The following DTD2 variants were observed in gnomAD, a reference collection of about 807,000 sequenced individuals.
DTD2 encodes D-aminoacyl-tRNA deacylase 2.
In DTD2, 12 loss-of-function variants were observed where a neutral mutation model predicts 15.5. The ratio of observed to expected loss-of-function variants is 0.77; its 90% CI spans 0.50 to 1.25. The LOEUF (loss-of-function observed/expected upper bound fraction) is 1.25. Ranked by LOEUF, DTD2 falls within the 50% of genes most tolerant of loss-of-function variation. The probability of loss-of-function intolerance (pLI) is 0.00; values close to 1 mark genes in which losing one functional copy is unlikely to be tolerated. For missense variants in DTD2, 170 were observed against 201.1 expected (o/e 0.85, Z 0.93); for synonymous variants, 59 against 77.3 (o/e 0.76, Z 1.24).
At chr14:31,453,834 A>G (rs1043038618) in intron 1 of DTD2, among the ~76,000 whole-genome samples, 14 of 152,196 alleles carry the variant, frequency 9.2e-5, no homozygotes, top group South Asian at 8.3e-4. Flanking sequence ...TTCTATTTCT[A>G]TAAGCTCCAG....
rs1042596656 is a variant in DTD2 at position 31,448,507 on chromosome 14, A to G, written c.182-53T>C. The G allele has an allele frequency of 9.4e-6, 14 of 1,490,040 alleles. No homozygotes were observed. In the Admixed American group the frequency reaches 3.0e-4, roughly 32 times the overall value. 92.3% of individuals were successfully genotyped at this position (1,490,040 alleles called of 1,614,324 possible). On this transcript the variant is annotated intron_variant, in intron 2 of 2. Transcript: ENST00000310850. ...TTAAAGTGAAAAACAAACATGAAGA[A>G]AACCATCAAGTTTTTAGTCAGCAAA...
chr14:31,448,250 T>C lies in DTD2; in HGVS notation c.386A>G (p.Glu129Gly), dbSNP rs1311066784. ...YSQFVTLCEKEVAANSKCAEA... is the reference protein window; with the variant it reads ...YSQFVTLCEKGVAANSKCAEA... ...AGCACACTTGCTATTAGCAGCTACT[T>C]CTTTTTCACATAGAGTCACAAATTG... The change falls in exon 3 of 3, where the codon GAA (glutamate) becomes GGA (glycine). Residue 129 changes from glutamate (E) to glycine (G), a missense_variant. By Grantham distance (98) the Glu-to-Gly change is moderately conservative. Transcript: ENST00000310850. The C allele has an allele frequency of 6.2e-7, 1 of 1,614,194 alleles. No individual in the cohort carries two copies. Among genetic ancestry groups the C allele is most frequent in the Non-Finnish European group, 8.5e-7 (1 of 1,180,018 alleles).
intron 1 of DTD2, 46 bp from the exon 2 acceptor site, chr14:31,453,390 AAAG>A: frequency 6.5e-7 from 1 of 1,544,322 alleles, no homozygotes; most frequent in Non-Finnish European, 9.0e-7. Flanking sequence ...CAATATCTGT[AAAG>A]ATACAGGGCT....
chr14:31,453,425 T>C, intron 1 of DTD2, 81 bp from the exon 2 acceptor site: 1 of 1,183,144 alleles, frequency 8.5e-7, no homozygotes, highest in South Asian at 1.3e-5. Context: ...GTTTCACAAC[T>C]ATTAATATTA....
intron 1 of DTD2, among the ~76,000 whole-genome samples, chr14:31,454,735 TCAAGTC>T (rs2032076697): frequency 6.6e-6 from 1 of 152,214 alleles, no homozygotes; most frequent in Admixed American, 6.5e-5. Context: ...AGCTGTGACT[TCAAGTC>T]AAAAATCACT....
intron 1 of DTD2, among the ~76,000 whole-genome samples, chr14:31,454,419 C>T (rs1036493472): frequency 3.9e-5 from 6 of 152,154 alleles, no homozygotes; most frequent in East Asian, 1.9e-4. Context: ...TGCACTCACA[C>T]GTGATTTACC....
At chr14:31,455,414 G>T (rs1354784284) in intron 1 of DTD2, among the ~76,000 whole-genome samples, 1 of 151,330 alleles carries the variant, frequency 6.6e-6, no homozygotes, top group East Asian at 2.0e-4. Context: ...AGCCAGGCGT[G>T]GTGGTGGGCG....
intron 1 of DTD2, chr14:31,456,908 C>A (rs1226803293): frequency 4.7e-6 from 1 of 212,610 alleles, no homozygotes; most frequent in Non-Finnish European, 9.5e-6. Context: ...TAAGTCAAAG[C>A]AGATCATGAA....
chr14:31,453,393 G>T (rs1335930392), intron 1 of DTD2, 49 bp from the exon 2 acceptor site: 1 of 1,523,358 alleles, frequency 6.6e-7, no homozygotes, highest in Non-Finnish European at 9.1e-7. Flanking sequence ...TATCTGTAAA[G>T]ATACAGGGCT....
intron 2 of DTD2, among the ~76,000 whole-genome samples, chr14:31,451,625 A>G (rs1456453707): frequency 6.6e-6 from 1 of 152,186 alleles, no homozygotes; most frequent in Non-Finnish European, 1.5e-5. Context: ...CAAAGTTGTC[A>G]GACATGTTTG....
At chr14:31,454,481 C>T (rs545330498) in intron 1 of DTD2, among the ~76,000 whole-genome samples, 1 of 152,134 alleles carries the variant, frequency 6.6e-6, no homozygotes, top group Non-Finnish European at 1.5e-5. Flanking sequence ...AAACAATAGG[C>T]AAGGGCCTCC....
Position 31,447,145 on chromosome 14 carries a change from C to CTATATG in DTD2, c.*978_*983dup, listed in dbSNP as rs1024879804. On this transcript the variant is annotated 3_prime_UTR_variant, in exon 3 of 3. Transcript: ENST00000310850. ...TAACCCTTCTATATTACATATATAT[C>CTATATG]TATATGTATATGTATATGTTAGAGA... The CTATATG allele has an allele frequency of 2.0e-5, 3 of 152,002 alleles. No individual in the cohort carries two copies. The highest frequency in any genetic ancestry group is 7.2e-5 in the African/African-American group (3 of 41,386). 9.4% of individuals were successfully genotyped at this position (152,002 alleles called of 1,614,324 possible).
chr14:31,457,226 G>C, intron 1 of DTD2, 57 bp downstream of exon 1: 1 of 1,466,884 alleles, frequency 6.8e-7, no homozygotes, highest in Non-Finnish European at 9.3e-7. Context: ...CCGAGACAAC[G>C]CGGAAAAAAC....
chr14:31,455,550 C>CAAAAA (rs1196931988), intron 1 of DTD2, among the ~76,000 whole-genome samples: 1 of 68,758 alleles, frequency 1.5e-5, no homozygotes, highest in African/African-American at 6.0e-5. Flanking sequence ...GACTCTGTCT[C>CAAAAA]AAAAAAAAAA....
rs1421720831 is a variant in DTD2 at position 31,448,448 on chromosome 14, G to A, written c.188C>T (p.Thr63Ile). ...DKELLPKMVN[T>I]LLNVKLSETE... ...CTCACTTAATTTCACATTTAACAGT[G>A]TATTAACTGGGTGAGGAAGAAAGGC... The change falls in exon 3 of 3, where the codon ACA becomes ATA. Residue 63 changes from threonine to isoleucine, a missense_variant. By Grantham distance (89) the Thr-to-Ile change is moderately conservative. Transcript: ENST00000310850. 2 of 1,595,554 alleles carry A rather than the reference G, an allele frequency of 1.3e-6. No homozygotes were observed. Among genetic ancestry groups the A allele is most frequent in the African/African-American group, 2.7e-5 (2 of 74,126 alleles).
At chr14:31,448,685 G>A (rs2031992534) in intron 2 of DTD2, among the ~76,000 whole-genome samples, 1 of 152,130 alleles carries the variant, frequency 6.6e-6, no homozygotes, top group African/African-American at 2.4e-5. Context: ...AATCTGAATT[G>A]GCAGTTAAGA....
intron 1 of DTD2, among the ~76,000 whole-genome samples, chr14:31,455,926 C>T (rs1291695038): frequency 6.6e-6 from 1 of 151,948 alleles, no homozygotes; most frequent in Non-Finnish European, 1.5e-5. Context: ...ATAAGGAAAT[C>T]AAGACCTCAC....
chr14:31,453,422 A>G (rs933412263), intron 1 of DTD2, 78 bp from the exon 2 acceptor site: 1 of 1,226,284 alleles, frequency 8.2e-7, no homozygotes, highest in Non-Finnish European at 1.2e-6. Context: ...ACAGTTTCAC[A>G]ACTATTAATA....
chr14:31,451,193 G>C (rs1039510553), intron 2 of DTD2, among the ~76,000 whole-genome samples: 26 of 149,430 alleles, frequency 1.7e-4, no homozygotes, highest in African/African-American at 5.0e-4. Context: ...TGTCGCCCAG[G>C]CTGGAGTGCA....
Sources: allele counts gnomAD v4.1 joint callset (sites outside exome capture counted in the v4.1 genomes callset), GRCh38; gene constraint gnomAD v4.1.1; transcripts MANE v1.5; gene names NCBI Gene and HGNC (gene_info 2026-07-23, HGNC 2026-07-21).